The following HAPLN1 variants were observed in gnomAD, a reference collection of about 807,000 sequenced individuals.
HAPLN1 encodes the protein hyaluronan and proteoglycan link protein 1, also known as Cartilage link protein.
Under a neutral mutation model 36.5 loss-of-function variants are expected in HAPLN1, and 13 were observed. The ratio of observed to expected loss-of-function variants is 0.36; its 90% CI spans 0.23 to 0.57. The LOEUF (loss-of-function observed/expected upper bound fraction) is 0.57. Among genes scored for constraint, HAPLN1 ranks in the 20% least tolerant of loss-of-function variants. HAPLN1 has a pLI of 0.83. For synonymous variants in HAPLN1, 202 were observed against 169.8 expected (o/e 1.19, Z -1.48); for missense variants, 407 against 439.7 (o/e 0.93, Z 0.66).
At chr5:83,657,299 T>C (rs984998461) in intron 2 of HAPLN1, among the ~76,000 whole-genome samples, 2 of 152,112 alleles carry the variant, frequency 1.3e-5, no homozygotes, top group Admixed American at 1.3e-4. Context: ...GGTTTCACCA[T>C]GTTAGCCAGG....
At chr5:83,661,223 C>T (rs200586307) in intron 2 of HAPLN1, among the ~76,000 whole-genome samples, 1 of 116,686 alleles carries the variant, frequency 8.6e-6, no homozygotes. Flanking sequence ...TATATCTATA[C>T]CTGTGCCTAT....
intron 3 of HAPLN1, 165 bp downstream of exon 3, chr5:83,652,288 G>A (rs897132289): frequency 1.9e-5 from 12 of 636,452 alleles, no homozygotes; most frequent in African/African-American, 9.3e-5. Context: ...AAACATGAAA[G>A]CTGGAATCAT....
rs189390315 is a variant in HAPLN1 at position 83,660,949 on chromosome 5, A to G, written c.101-8125T>C. ...CTGGTGTAGACTCTTACTAGCAAAT[A>G]TTTACATGTCTAAAATGTGCCTGGT... On this transcript the variant is annotated intron_variant, in intron 2 of 4. Transcript: ENST00000274341. 1.6e-3 allele frequency among the ~76,000 whole-genome samples: 250 copies of G among 152,066 alleles called. 2 individuals are homozygous for G. The highest frequency in any genetic ancestry group is 3.5e-3 in the South Asian group (17 of 4,818).
rs3041915 is a variant in HAPLN1, at chr5:83,681,453, CAAAT to C, written c.-26-7908_-26-7905del. On this transcript the variant is annotated intron_variant, in intron 1 of 4. Coordinates refer to ENST00000274341, the MANE Select transcript of HAPLN1 (RefSeq NM_001884.4). ...AGCACAAATAAAAAATGGACACAAACAAATAAAACAACTCTCATTTAAAATTACT... is the reference window on the plus strand; with the variant it reads ...AGCACAAATAAAAAATGGACACAAACAAAACAACTCTCATTTAAAATTACT... 2.9e-3 allele frequency among the ~76,000 whole-genome samples: 446 copies of C among 152,180 alleles called. 4 individuals carry two copies. The highest frequency in any genetic ancestry group is 9.9e-3 in the African/African-American group (410 of 41,522).
chr5:83,647,026 T>C (rs1465162304), intron 3 of HAPLN1, among the ~76,000 whole-genome samples: 1 of 152,214 alleles, frequency 6.6e-6, no homozygotes, highest in Non-Finnish European at 1.5e-5. Flanking sequence ...TATTTTAATT[T>C]ATACTAATTT....
rs1169066858 is a variant in HAPLN1, at chr5:83,641,539, T to G, written c.1022A>C (p.Lys341Thr). 14 of 1,613,856 alleles carry G rather than the reference T, an allele frequency of 8.7e-6. No homozygotes were observed. The highest frequency in any genetic ancestry group is 1.2e-5 in the Non-Finnish European group (14 of 1,179,886). Reference sequence around the variant, plus strand: ...GCAGTAGACACCATACAGCTTATGCTTTTTATCTGGGAAACCCACGAAGCG... The same window carrying G: ...GCAGTAGACACCATACAGCTTATGCGTTTTATCTGGGAAACCCACGAAGCG... ...AVRFVGFPDK[K>T]HKLYGVYCFR... Residue 341 changes from lysine to threonine, a missense_variant, in exon 5 of 5, where the codon AAG becomes ACG. Coordinates refer to ENST00000274341, the MANE Select transcript of HAPLN1 (RefSeq NM_001884.4).
intron 1 of HAPLN1, among the ~76,000 whole-genome samples, chr5:83,699,577 G>A (rs1341223029): frequency 2.0e-5 from 3 of 152,162 alleles, no homozygotes; most frequent in Non-Finnish European, 2.9e-5. Flanking sequence ...ATGCTTACAT[G>A]TTTTTCCAAT....
At position 83,641,488 on chromosome 5, in the gene HAPLN1, G is replaced by C; in HGVS notation, c.*8C>G. The C allele has an allele frequency of 6.3e-7, 1 of 1,585,330 alleles. No individual in the cohort carries two copies. The highest frequency in any genetic ancestry group is 8.6e-7 in the Non-Finnish European group (1 of 1,162,380). On this transcript the variant is annotated 3_prime_UTR_variant, in exon 5 of 5. Transcript: ENST00000274341. ...TGACTTTAAAACTGATGCGCTCTAA[G>C]GGCACATTCAGTTGTATGCTCTGAA...
intron 1 of HAPLN1, chr5:83,682,407 C>T (rs1160089227): frequency 1.3e-5 from 2 of 152,072 alleles, no homozygotes; most frequent in Non-Finnish European, 2.9e-5. Context: ...GTACTACATA[C>T]AATGAAAAGT....
intron 2 of HAPLN1, among the ~76,000 whole-genome samples, chr5:83,663,113 A>T (rs577985007): frequency 1.7e-4 from 26 of 152,292 alleles, no homozygotes; most frequent in African/African-American, 6.0e-4. Context: ...GATGATAAAG[A>T]GTGGAAAAGA....
At chr5:83,720,451 G>A (rs1431773931) in intron 1 of HAPLN1, among the ~76,000 whole-genome samples, 1 of 152,074 alleles carries the variant, frequency 6.6e-6, no homozygotes, top group Admixed American at 6.6e-5. Flanking sequence ...CATCTCAGGT[G>A]CTATAAAAAT....
At chr5:83,676,578 A>G (rs1272156233) in intron 1 of HAPLN1, among the ~76,000 whole-genome samples, 2 of 152,242 alleles carry the variant, frequency 1.3e-5, no homozygotes, top group East Asian at 3.8e-4. Context: ...TGCTGGTCCC[A>G]GTAGAAAAGG....
intron 1 of HAPLN1, among the ~76,000 whole-genome samples, chr5:83,714,799 T>C (rs533150943): frequency 2.0e-5 from 3 of 152,362 alleles, no homozygotes; most frequent in African/African-American, 7.2e-5. Flanking sequence ...TAAGAAGCTA[T>C]GGATGCGCTA....
intron 1 of HAPLN1, among the ~76,000 whole-genome samples, chr5:83,704,392 C>T (rs1009273550): frequency 6.6e-6 from 1 of 152,040 alleles, no homozygotes; most frequent in Non-Finnish European, 1.5e-5. Context: ...AGGATCAAAT[C>T]CACATATATC....
At chr5:83,646,754 C>T (rs1342462886) in intron 3 of HAPLN1, among the ~76,000 whole-genome samples, 2 of 152,212 alleles carry the variant, frequency 1.3e-5, no homozygotes, top group African/African-American at 2.4e-5. Flanking sequence ...TCTGCCCAGG[C>T]ACTGAGCTGG....
At chr5:83,695,256 G>T (rs1201156799) in intron 1 of HAPLN1, among the ~76,000 whole-genome samples, 1 of 152,034 alleles carries the variant, frequency 6.6e-6, no homozygotes, top group Non-Finnish European at 1.5e-5. Flanking sequence ...CTCCCGAGTA[G>T]CTGGGATTAC....
chr5:83,667,943 A>T (rs1750600037), intron 2 of HAPLN1, among the ~76,000 whole-genome samples: 1 of 152,236 alleles, frequency 6.6e-6, no homozygotes, highest in African/African-American at 2.4e-5. Flanking sequence ...ACAAGACCAA[A>T]CAAAATTTGC....
rs764298329 is a variant in HAPLN1 at position 83,637,872 on chromosome 5, A to G, written c.*3624T>C. 3.9e-5 allele frequency: 6 copies of G among 152,050 alleles called. No individual in the cohort carries two copies. The highest frequency in any genetic ancestry group is 7.4e-5 in the Non-Finnish European group (5 of 67,918). 9.4% of individuals were successfully genotyped at this position (152,050 alleles called of 1,614,324 possible). ...AGTTATAAAGCATTTAAAATGTGTT[A>G]ATCTAATCAACAACACAATAGATTT... On this transcript the variant is annotated 3_prime_UTR_variant, in exon 5 of 5. Transcript: ENST00000274341.
intron 1 of HAPLN1, 34 bp from the exon 2 acceptor site, chr5:83,673,583 G>A (rs1750786656): frequency 8.0e-7 from 1 of 1,250,236 alleles, no homozygotes; most frequent in East Asian, 2.3e-5. Flanking sequence ...AGGCTTGTGA[G>A]ATTTGGAACC....
Sources: gnomAD v4.1 joint callset for allele counts (sites outside exome capture counted in the v4.1 genomes callset) on GRCh38, gnomAD v4.1.1 for gene constraint, MANE v1.5 for transcripts, NCBI Gene and HGNC (gene_info 2026-07-23, HGNC 2026-07-21) for gene names.